Variants in HMBOX1 observed in about 807,000 individuals in gnomAD.
The protein encoded by HMBOX1 is homeobox-containing protein 1.
Under a neutral mutation model 54.5 loss-of-function variants are expected in HMBOX1, and 14 were observed. That is an observed-to-expected ratio of 0.26 (90% CI 0.17 to 0.40). The LOEUF (loss-of-function observed/expected upper bound fraction) is 0.40, where lower values mean the gene tolerates loss of function less well. Among genes scored for constraint, HMBOX1 ranks in the 10% least tolerant of loss-of-function variants. HMBOX1 has a pLI of 1.00. For missense variants in HMBOX1, 332 were observed against 514.4 expected (o/e 0.65, Z 3.43); for synonymous variants, 160 against 181.0 (o/e 0.88, Z 0.93).
intron 1 of HMBOX1, among the ~76,000 whole-genome samples, chr8:28,962,671 A>G (rs1825810780): frequency 6.6e-6 from 1 of 152,078 alleles, no homozygotes; most frequent in Admixed American, 6.5e-5. Flanking sequence ...ACCTCCCTCT[A>G]CACCTTGATG....
intron 1 of HMBOX1, among the ~76,000 whole-genome samples, chr8:28,947,453 C>T (rs916471308): frequency 1.3e-5 from 2 of 152,216 alleles, no homozygotes; most frequent in Non-Finnish European, 2.9e-5. Context: ...TGAATTCTTT[C>T]ATCCTCTGCC....
chr8:28,960,753 C>CTTT (rs1023356056), intron 1 of HMBOX1, among the ~76,000 whole-genome samples: 7 of 65,650 alleles, frequency 1.1e-4, no homozygotes, highest in Admixed American at 2.0e-4. Flanking sequence ...TTCTCTTTTT[C>CTTT]TTTTTCTTTT....
intron 4 of HMBOX1, among the ~76,000 whole-genome samples, chr8:29,006,010 TGAGACAGA>T (rs1833401907): frequency 6.7e-6 from 1 of 148,500 alleles, no homozygotes; most frequent in African/African-American, 2.5e-5. Context: ...TTTTTTTTTT[TGAGACAGA>T]GTGTCACTCT....
At chr8:28,896,584 G>A (rs913573980) in intron 1 of HMBOX1, among the ~76,000 whole-genome samples, 3 of 148,464 alleles carry the variant, frequency 2.0e-5, no homozygotes, top group Non-Finnish European at 4.5e-5. Flanking sequence ...AGTCAAAAAC[G>A]GACTGAATAT....
At chr8:29,011,442 G>A (rs1038266817) in intron 5 of HMBOX1, among the ~76,000 whole-genome samples, 3 of 152,182 alleles carry the variant, frequency 2.0e-5, no homozygotes, top group Admixed American at 6.5e-5. Flanking sequence ...AGCTTTCACC[G>A]ATGACCTTAG....
intron 3 of HMBOX1, among the ~76,000 whole-genome samples, chr8:28,971,701 T>C (rs546981731): frequency 6.6e-6 from 1 of 152,244 alleles, no homozygotes; most frequent in South Asian, 2.1e-4. Flanking sequence ...ATGAATAATA[T>C]ATTAGGAGAC....
intron 6 of HMBOX1, among the ~76,000 whole-genome samples, chr8:29,019,230 T>C (rs950391704): frequency 3.3e-5 from 5 of 152,240 alleles, no homozygotes; most frequent in Non-Finnish European, 5.9e-5. Flanking sequence ...TGAAGTCTTC[T>C]TTTCATCAAA....
intron 6 of HMBOX1, among the ~76,000 whole-genome samples, chr8:29,041,117 A>G (rs1804742062): frequency 1.3e-5 from 2 of 150,642 alleles, no homozygotes; most frequent in Non-Finnish European, 3.0e-5. Flanking sequence ...TAATTTATAA[A>G]AATAGCATGT....
chr8:28,971,495 G>A (rs1827407256), intron 3 of HMBOX1, among the ~76,000 whole-genome samples: 1 of 152,130 alleles, frequency 6.6e-6, no homozygotes, highest in South Asian at 2.1e-4. Flanking sequence ...GTGCCTCCAG[G>A]ATCTGGAACT....
At chr8:28,920,160 T>G (rs545736144) in intron 1 of HMBOX1, among the ~76,000 whole-genome samples, 1 of 152,342 alleles carries the variant, frequency 6.6e-6, no homozygotes, top group East Asian at 1.9e-4. Context: ...ATTTATATGT[T>G]AACCTTTTAT....
chr8:28,946,290 C>T (rs894859250), intron 1 of HMBOX1, among the ~76,000 whole-genome samples: 3 of 150,916 alleles, frequency 2.0e-5, no homozygotes, highest in Admixed American at 1.3e-4. Context: ...GTTGCCCAGG[C>T]GTGGTGGGTG....
chr8:29,015,401 C>G (rs1215067609), intron 5 of HMBOX1, among the ~76,000 whole-genome samples: 2 of 152,200 alleles, frequency 1.3e-5, no homozygotes, highest in African/African-American at 4.8e-5. Flanking sequence ...TATTCCCTTA[C>G]TGAGTCTTAT....
intron 6 of HMBOX1, among the ~76,000 whole-genome samples, chr8:29,024,307 GA>G (rs1458659683): frequency 2.0e-5 from 3 of 152,198 alleles, no homozygotes; most frequent in African/African-American, 4.8e-5. Context: ...GAGAATCTGA[GA>G]AAAGGCATTA....
chr8:28,990,467 T>G (rs555920670), intron 4 of HMBOX1, among the ~76,000 whole-genome samples: 2 of 152,342 alleles, frequency 1.3e-5, no homozygotes, highest in South Asian at 4.1e-4. Context: ...TTAGTCTTGT[T>G]AATATGGTAA....
intron 1 of HMBOX1, among the ~76,000 whole-genome samples, chr8:28,927,660 C>CT (rs1283372176): frequency 1.3e-5 from 2 of 152,010 alleles, no homozygotes; most frequent in Non-Finnish European, 2.9e-5. Flanking sequence ...GCCCCATCAC[C>CT]AACAGTGAGG....
Position 28,928,083 on chromosome 8 carries a change from C to T in HMBOX1, c.-57-35728C>T, listed in dbSNP as rs190288968. ...TCGGGAGGTGGAGGTTGCAGTGAGC[C>T]GAGATCACACCACTGAACTCCAGCC... On this transcript the variant is annotated intron_variant, in intron 1 of 9. Coordinates refer to ENST00000287701, the MANE Select transcript of HMBOX1 (RefSeq NM_001135726.3). Among the ~76,000 whole-genome samples the T allele has an allele frequency of 7.0e-4, 106 of 150,732 alleles. 1 individual carries two copies. Among genetic ancestry groups the T allele is most frequent in the East Asian group, 2.2e-3 (11 of 5,100 alleles).
At chr8:28,954,096 A>AT (rs1460502878) in intron 1 of HMBOX1, among the ~76,000 whole-genome samples, 3 of 152,034 alleles carry the variant, frequency 2.0e-5, no homozygotes, top group Admixed American at 2.0e-4. Flanking sequence ...GTATATATGT[A>AT]TTTTTTAAAC....
chr8:29,032,418 C>T lies in HMBOX1; in HGVS notation c.852-12943C>T, dbSNP rs80354495. 2.6e-5 allele frequency among the ~76,000 whole-genome samples: 4 copies of T among 151,268 alleles called. No homozygotes were observed. In the East Asian group the frequency reaches 7.7e-4, roughly 29 times the overall value. ...TCTCCTTTCTACATGATCAAGGAAA[C>T]ATCTTGAAATTCCAGTCATTTTCAA... On this transcript the variant is annotated intron_variant, in intron 6 of 9. Coordinates refer to ENST00000287701, the MANE Select transcript of HMBOX1 (RefSeq NM_001135726.3).
intron 1 of HMBOX1, among the ~76,000 whole-genome samples, chr8:28,924,200 G>C (rs970471725): frequency 6.7e-6 from 1 of 150,278 alleles, no homozygotes; most frequent in Non-Finnish European, 1.5e-5. Flanking sequence ...TCCGCCTCCC[G>C]GGTTCACGCC....
Sources: gnomAD v4.1 joint callset for allele counts (sites outside exome capture counted in the v4.1 genomes callset) on GRCh38, gnomAD v4.1.1 for gene constraint, MANE v1.5 for transcripts, NCBI Gene and HGNC (gene_info 2026-07-23, HGNC 2026-07-21) for gene names.